SDHAF2: variants seen among roughly 807,000 people sequenced by gnomAD.
SDHAF2 encodes the protein succinate dehydrogenase assembly factor 2, mitochondrial.
In SDHAF2, 21 loss-of-function variants were observed where a neutral mutation model predicts 18.5. The observed-to-expected ratio is 1.13, with a 90% CI of 0.80 to 1.63. The LOEUF (loss-of-function observed/expected upper bound fraction) is 1.63, where lower values mean the gene tolerates loss of function less well. Among genes scored for constraint, SDHAF2 ranks in the 40% most tolerant of loss-of-function variants. SDHAF2 has a pLI of 0.00. For synonymous variants in SDHAF2, 84 were observed against 70.7 expected, an observed-to-expected ratio of 1.19 and a Z score of -0.94; for missense variants, 195 against 200.3, an observed-to-expected ratio of 0.97 and a Z score of 0.16.
At chr11:61,432,999 T>C (rs986772591) in intron 1 of SDHAF2, 8 of 151,862 alleles carry the variant, frequency 5.3e-5, no homozygotes, top group Admixed American at 2.0e-4. Flanking sequence ...TACAGTATTA[T>C]AGTATTCTGT....
At chr11:61,439,660 A>G (rs539556285) in intron 3 of SDHAF2, among the ~76,000 whole-genome samples, 2 of 152,360 alleles carry the variant, frequency 1.3e-5, no homozygotes, top group East Asian at 1.9e-4. Flanking sequence ...GCCTTATACA[A>G]TCACTGGAAA....
chr11:61,443,534 G>A (rs560585381), intron 3 of SDHAF2, among the ~76,000 whole-genome samples: 1 of 152,202 alleles, frequency 6.6e-6, no homozygotes, highest in Admixed American at 6.5e-5. Flanking sequence ...TTAGTGTGGG[G>A]ATCAAGTCAG....
In SDHAF2 at chr11:61,446,518, C is replaced by T; in HGVS notation, c.*447C>T. The T allele has an allele frequency of 2.0e-6, 1 of 491,272 alleles. No individual in the cohort carries two copies. Among genetic ancestry groups the T allele is most frequent in the Middle Eastern group, 5.3e-4 (1 of 1,890 alleles). The allele number at this position is 491,272 out of a possible 1,614,324, so 30.4% of individuals were successfully genotyped here. ...CAGGGCTTTGTTGAAGTGGAACTCC[C>T]CACTTCCAACCTGGTATGGCTCCTT... On this transcript the variant is annotated 3_prime_UTR_variant, in exon 4 of 4. Coordinates refer to ENST00000301761, the MANE Select transcript of SDHAF2 (RefSeq NM_017841.4).
chr11:61,438,634 C>G (rs929649335), intron 3 of SDHAF2, among the ~76,000 whole-genome samples: 1 of 152,030 alleles, frequency 6.6e-6, no homozygotes, highest in African/African-American at 2.4e-5. Context: ...CTCACTTAAG[C>G]AAAAAGGAAT....
intron 3 of SDHAF2, among the ~76,000 whole-genome samples, chr11:61,438,600 G>A (rs931935063): frequency 7.9e-5 from 12 of 152,090 alleles, no homozygotes; most frequent in Non-Finnish European, 1.5e-4. Context: ...CTTTATTTGC[G>A]AGACAGAGTG....
rs570310586 is a variant in SDHAF2 at position 61,443,864 on chromosome 11, CTT to C, written c.371-2076_371-2075del. ...TATCGGCTCACTGCAAGCTCTGCCT[CTT>C]GGGTTCATGCCATTCTGCTGCCTCA... On this transcript the variant is annotated intron_variant, in intron 3 of 3. Coordinates refer to ENST00000301761, the MANE Select transcript of SDHAF2 (RefSeq NM_017841.4). Among the ~76,000 whole-genome samples the C allele has an allele frequency of 2.1e-3, 321 of 152,234 alleles. 3 individuals carry two copies. The South Asian group carries it at 0.031, about 15-fold the overall frequency.
At chr11:61,436,250 G>A (rs941400725) in intron 1 of SDHAF2, 14 of 153,378 alleles carry the variant, frequency 9.1e-5, no homozygotes, top group African/African-American at 3.4e-4. Flanking sequence ...GGCCACCCAG[G>A]CATTTAGAGT....
Position 61,436,689 on chromosome 11 carries a change from G to T in SDHAF2, c.37-936G>T, listed in dbSNP as rs547337008. 1.6e-5 allele frequency: 6 copies of T among 382,544 alleles called. No homozygotes were observed. The Admixed American group carries it at 2.0e-4, about 13-fold the overall frequency. The allele number at this position is 382,544 out of a possible 1,614,324, so 23.7% of individuals were successfully genotyped here. A position where few individuals can be genotyped will look rare whatever the true frequency, so the allele number is the denominator to read the frequency against. On this transcript the variant is annotated intron_variant, in intron 1 of 3. Transcript: ENST00000301761. Reference sequence around the variant, plus strand: ...AATGAGTGCTACAAATTTTTCTGCTGGATTCGATGCAGCTGGTTTTGTGCT... The same window carrying T: ...AATGAGTGCTACAAATTTTTCTGCTTGATTCGATGCAGCTGGTTTTGTGCT...
chr11:61,444,731 A>G lies in SDHAF2; in HGVS notation c.371-1210A>G, dbSNP rs185786004. ...GCACTCCAGCCTGGGCGACAGAGTG[A>G]GACTCGTCTCAAACAAAAAAAAAAA... On this transcript the variant is annotated intron_variant, in intron 3 of 3. Coordinates refer to ENST00000301761, the MANE Select transcript of SDHAF2 (RefSeq NM_017841.4). 8.9e-3 allele frequency among the ~76,000 whole-genome samples: 1,353 copies of G among 152,260 alleles called. 9 individuals are homozygous for G. The highest frequency in any genetic ancestry group is 0.012 in the Non-Finnish European group (805 of 68,016).
intron 3 of SDHAF2, among the ~76,000 whole-genome samples, chr11:61,439,746 G>T (rs2134894873): frequency 6.6e-6 from 1 of 152,306 alleles, no homozygotes; most frequent in African/African-American, 2.4e-5. Flanking sequence ...ATGCATTTGA[G>T]ATGCGTATCC....
chr11:61,444,112 G>C (rs961696254), intron 3 of SDHAF2: 34 of 152,216 alleles, frequency 2.2e-4, no homozygotes, highest in African/African-American at 8.0e-4. Context: ...GCCCACACTT[G>C]GCTTTTAACA....
At chr11:61,445,842 C>A in intron 3 of SDHAF2, 99 bp from the exon 4 acceptor site, 1 of 1,323,926 alleles carries the variant, frequency 7.6e-7, no homozygotes, top group Non-Finnish European at 1.1e-6. Flanking sequence ...TCTATATATC[C>A]ATCTGTGGTT....
At chr11:61,442,132 A>G (rs541389064) in intron 3 of SDHAF2, among the ~76,000 whole-genome samples, 3 of 152,260 alleles carry the variant, frequency 2.0e-5, no homozygotes, top group African/African-American at 4.8e-5. Flanking sequence ...AGCTCAAGCA[A>G]TCCACCTGCC....
Position 61,446,611 on chromosome 11 carries a change from G to A in SDHAF2, c.*540G>A. On this transcript the variant is annotated 3_prime_UTR_variant, in exon 4 of 4. Coordinates refer to ENST00000301761, the MANE Select transcript of SDHAF2 (RefSeq NM_017841.4). ...CAAAGGCACAGCAGGCAGAATGAGG[G>A]CCACAGGCAGGAGTGGTGTGGGCAC... 1 of 429,180 alleles carries A rather than the reference G, an allele frequency of 2.3e-6. No homozygotes were observed. The highest frequency in any genetic ancestry group is 3.8e-5 in the Admixed American group (1 of 26,158). The allele number at this position is 429,180 out of a possible 1,614,324, so 26.6% of individuals were successfully genotyped here. A position where few individuals can be genotyped will look rare whatever the true frequency, so the allele number is the denominator to read the frequency against.
At position 61,446,378 on chromosome 11, in the gene SDHAF2, A is replaced by G. The variant is rs957932732; in HGVS notation, c.*307A>G. 5 of 598,112 alleles carry G rather than the reference A, an allele frequency of 8.4e-6. No homozygotes were observed. Among genetic ancestry groups the G allele is most frequent in the Admixed American group, 3.0e-5 (1 of 33,598 alleles). 37.1% of individuals were successfully genotyped at this position (598,112 alleles called of 1,614,324 possible). On this transcript the variant is annotated 3_prime_UTR_variant, in exon 4 of 4. Coordinates refer to ENST00000301761, the MANE Select transcript of SDHAF2 (RefSeq NM_017841.4). ...CACGAGAGGGCACTGCAGGCGAAGC[A>G]GTTGTGCTTGCTCATTGCCTCAGCC...
intron 1 of SDHAF2, 115 bp from the exon 2 acceptor site, chr11:61,437,510 A>C: frequency 1.0e-6 from 1 of 970,496 alleles, no homozygotes; most frequent in Non-Finnish European, 1.7e-6. Context: ...CCAGCAGTGT[A>C]ATTTCCTCAT....
chr11:61,437,032 C>T (rs892849378), intron 1 of SDHAF2: 3 of 1,169,242 alleles, frequency 2.6e-6, no homozygotes, highest in Admixed American at 4.1e-5. Flanking sequence ...ATTATTTCTG[C>T]TGGGATAGTT....
chr11:61,439,815 G>A (rs969131355), intron 3 of SDHAF2, among the ~76,000 whole-genome samples: 6 of 152,214 alleles, frequency 3.9e-5, no homozygotes, highest in African/African-American at 1.4e-4. Context: ...CCATTGTGTG[G>A]ATGTACCATG....
rs573040941 is a variant in SDHAF2 at position 61,438,996 on chromosome 11, A to T, written c.370+883A>T. Among the ~76,000 whole-genome samples, 17 of 152,188 alleles carry T rather than the reference A, an allele frequency of 1.1e-4. No individual in the cohort carries two copies. The South Asian group carries it at 3.3e-3, about 30-fold the overall frequency. ...GAGACAGAGATTGCAGTGAGCTGAG[A>T]TTGCACCACTGCACTCCATCCTGGG... On this transcript the variant is annotated intron_variant, in intron 3 of 3. Transcript: ENST00000301761.
Sources: allele counts gnomAD v4.1 joint callset (sites outside exome capture counted in the v4.1 genomes callset), GRCh38; gene constraint gnomAD v4.1.1; transcripts MANE v1.5; gene names NCBI Gene and HGNC (gene_info 2026-07-23, HGNC 2026-07-21).